The following SORCS2 variants were observed in gnomAD, a reference collection of about 807,000 sequenced individuals.
SORCS2 encodes VPS10 domain-containing receptor SorCS2.
In SORCS2, 100 loss-of-function variants were observed where a neutral mutation model predicts 141.6. The observed-to-expected ratio is 0.71, with a 90% CI of 0.60 to 0.83. SORCS2 has a LOEUF of 0.83. SORCS2 is among the 40% of genes least tolerant of loss of function. SORCS2 has a pLI of 0.00. For missense variants in SORCS2, 1,646 were observed against 1,560.2 expected (o/e 1.05, Z -0.93); for synonymous variants, 789 against 676.9 (o/e 1.17, Z -2.57).
intron 1 of SORCS2, among the ~76,000 whole-genome samples, chr4:7,197,611 G>A (rs1188798861): frequency 6.6e-6 from 1 of 152,188 alleles, no homozygotes; most frequent in Non-Finnish European, 1.5e-5. Flanking sequence ...ATTCCAACTT[G>A]AGCAAGGTCT....
At chr4:7,687,924 G>A (rs1723977138) in intron 10 of SORCS2, among the ~76,000 whole-genome samples, 2 of 152,248 alleles carry the variant, frequency 1.3e-5, no homozygotes, top group African/African-American at 4.8e-5. Flanking sequence ...TCCGTTCCTG[G>A]CTCTGTAGAT....
intron 12 of SORCS2, among the ~76,000 whole-genome samples, chr4:7,700,199 C>T (rs534284801): frequency 6.6e-6 from 1 of 152,356 alleles, no homozygotes; most frequent in South Asian, 2.1e-4. Context: ...GAACCCCTCC[C>T]TGGGCTGCCC....
chr4:7,403,998 T>TATATATATATA (rs59841056), intron 2 of SORCS2, among the ~76,000 whole-genome samples: 193 of 12,198 alleles, frequency 0.016, 3 homozygotes, highest in Non-Finnish European at 0.02. Context: ...TATATATATA[T>TATATATATATA]TTTTTTTTTT....
chr4:7,426,509 A>G (rs1196136101), intron 2 of SORCS2, among the ~76,000 whole-genome samples: 1 of 152,184 alleles, frequency 6.6e-6, no homozygotes, highest in Non-Finnish European at 1.5e-5. Context: ...GGATTGGTTG[A>G]AGCCAGTAAC....
intron 9 of SORCS2, among the ~76,000 whole-genome samples, 189 bp from the exon 10 acceptor site, chr4:7,682,554 A>G (rs1354846868): frequency 6.6e-6 from 1 of 152,244 alleles, no homozygotes. Context: ...AACTGGGGCC[A>G]GAGTCTTGAA....
chr4:7,733,567 AG>A (rs1711885972), intron 24 of SORCS2, 146 bp downstream of exon 24: 1 of 645,054 alleles, frequency 1.6e-6, no homozygotes, highest in African/African-American at 1.8e-5. Context: ...GAACCCACCC[AG>A]GTCAGACGCA....
At chr4:7,255,371 G>A (rs1015523575) in intron 1 of SORCS2, among the ~76,000 whole-genome samples, 3 of 152,156 alleles carry the variant, frequency 2.0e-5, no homozygotes, top group Admixed American at 6.5e-5. Flanking sequence ...CCTGGCAGAC[G>A]CAGGAGCCTC....
chr4:7,340,438 C>A (rs1232855499), intron 1 of SORCS2, among the ~76,000 whole-genome samples: 3 of 152,218 alleles, frequency 2.0e-5, no homozygotes, highest in African/African-American at 7.2e-5. Flanking sequence ...CGTGTCCTGG[C>A]GTTTTGTGGA....
At chr4:7,378,169 A>G (rs986854885) in intron 1 of SORCS2, among the ~76,000 whole-genome samples, 3 of 152,214 alleles carry the variant, frequency 2.0e-5, no homozygotes, top group African/African-American at 7.2e-5. Context: ...CTTCATGGCC[A>G]TGAAAATGAA....
chr4:7,696,449 C>T lies in SORCS2; in HGVS notation c.1592-749C>T, dbSNP rs373064710. 2.4e-4 allele frequency among the ~76,000 whole-genome samples: 37 copies of T among 152,340 alleles called. No homozygotes were observed. The South Asian group carries it at 7.2e-3, about 30-fold the overall frequency. ...TTTTCCTGGTGCTTGTGCTGTTATGCACGGCCGTTGTTCTTTCTACAGGAG... is the reference window on the plus strand; with the variant it reads ...TTTTCCTGGTGCTTGTGCTGTTATGTACGGCCGTTGTTCTTTCTACAGGAG... On this transcript the variant is annotated intron_variant, in intron 11 of 26. Transcript: ENST00000507866.
At chr4:7,538,764 C>T (rs1334995348) in intron 3 of SORCS2, among the ~76,000 whole-genome samples, 2 of 152,216 alleles carry the variant, frequency 1.3e-5, no homozygotes, top group African/African-American at 4.8e-5. Flanking sequence ...CACCTCTTCC[C>T]TCATTCCGCT....
intron 3 of SORCS2, among the ~76,000 whole-genome samples, chr4:7,544,639 C>G (rs1310925867): frequency 6.6e-6 from 1 of 152,262 alleles, no homozygotes; most frequent in African/African-American, 2.4e-5. Context: ...ACCCTGAATT[C>G]TCTGTTCAGC....
Position 7,714,293 on chromosome 4 carries a change from G to GTCC in SORCS2, c.2045_2047dup (p.Ser682dup), listed in dbSNP as rs763987031. ...GAAGTTTCCGGAAAAGAAAGTCCAC[G>GTCC]TCCTGGTGCATCAAGGGGAGGAGCT... On this transcript the variant is annotated inframe_insertion, in exon 16 of 27. Transcript: ENST00000507866. 1.9e-6 allele frequency: 3 copies of GTCC among 1,607,094 alleles called. No individual in the cohort carries two copies. The highest frequency in any genetic ancestry group is 2.5e-6 in the Non-Finnish European group (3 of 1,177,002).
At chr4:7,198,350 G>A (rs900975600) in intron 1 of SORCS2, among the ~76,000 whole-genome samples, 1 of 152,218 alleles carries the variant, frequency 6.6e-6, no homozygotes, top group African/African-American at 2.4e-5. Context: ...CCTCGTGTCC[G>A]ATGCTTGTGG....
intron 2 of SORCS2, among the ~76,000 whole-genome samples, chr4:7,453,657 A>T (rs1728652344): frequency 8.6e-6 from 1 of 116,102 alleles, no homozygotes. Flanking sequence ...TGTTGGGGTC[A>T]GGAGCTGTGT....
At chr4:7,344,342 A>G (rs867275785) in intron 1 of SORCS2, among the ~76,000 whole-genome samples, 3 of 152,300 alleles carry the variant, frequency 2.0e-5, no homozygotes, top group Middle Eastern at 3.4e-3. Context: ...GGGCTAGTTT[A>G]TCCCATGGAG....
intron 18 of SORCS2, among the ~76,000 whole-genome samples, chr4:7,719,149 G>C (rs1290966897): frequency 2.0e-5 from 3 of 152,230 alleles, no homozygotes; most frequent in African/African-American, 7.2e-5. Context: ...AGCTAGTGCG[G>C]CTTCACAGTG....
intron 1 of SORCS2, among the ~76,000 whole-genome samples, chr4:7,248,105 G>A (rs758004632): frequency 2.0e-5 from 3 of 152,166 alleles, no homozygotes; most frequent in Non-Finnish European, 4.4e-5. Flanking sequence ...GTCTGGCCGG[G>A]CCTGAGCCCG....
intron 1 of SORCS2, among the ~76,000 whole-genome samples, chr4:7,384,868 A>AGG (rs948648657): frequency 6.6e-6 from 1 of 152,218 alleles, no homozygotes; most frequent in African/African-American, 2.4e-5. Flanking sequence ...GCCTGAGGGC[A>AGG]GGGGGCGCGG....
Sources: allele counts gnomAD v4.1 joint callset (sites outside exome capture counted in the v4.1 genomes callset), GRCh38; gene constraint gnomAD v4.1.1; transcripts MANE v1.5; gene names NCBI Gene and HGNC (gene_info 2026-07-23, HGNC 2026-07-21).